Variants in HDAC4 observed in about 807,000 individuals in gnomAD.
HDAC4 encodes the protein histone deacetylase 4, also known as histone deacetylase A.
In HDAC4, 16 loss-of-function variants were observed where a neutral mutation model predicts 135.1. The ratio of observed to expected loss-of-function variants is 0.12; its 90% CI spans 0.08 to 0.18. The LOEUF (loss-of-function observed/expected upper bound fraction) is 0.18. HDAC4 is among the 10% of genes least tolerant of loss of function. The pLI is 1.00. For missense variants in HDAC4, 1,143 were observed against 1,511.8 expected, an observed-to-expected ratio of 0.76 and a Z score of 4.05; for synonymous variants, 685 against 653.4, an observed-to-expected ratio of 1.05 and a Z score of -0.74.
At chr2:239,267,896 CCAAA>C (rs2049838120) in intron 2 of HDAC4, among the ~76,000 whole-genome samples, 2 of 152,362 alleles carry the variant, frequency 1.3e-5, no homozygotes, top group African/African-American at 2.4e-5. Context: ...TCTGCACATT[CCAAA>C]CAGTCTTTCA....
intron 2 of HDAC4, among the ~76,000 whole-genome samples, chr2:239,342,601 C>T (rs995431277): frequency 1.3e-5 from 2 of 152,190 alleles, no homozygotes; most frequent in African/African-American, 4.8e-5. Flanking sequence ...TCATCCTGAA[C>T]ACTGTGTTTC....
At chr2:239,204,286 A>G (rs1248614018) in intron 3 of HDAC4, among the ~76,000 whole-genome samples, 5 of 152,354 alleles carry the variant, frequency 3.3e-5, no homozygotes, top group African/African-American at 4.8e-5. Flanking sequence ...ACCACGATGC[A>G]GCGGCCCCTG....
intron 2 of HDAC4, among the ~76,000 whole-genome samples, chr2:239,343,922 C>T (rs6706275): frequency 0.24 from 36,193 of 152,204 alleles, 5,058 homozygotes; most frequent in Non-Finnish European, 0.33. Flanking sequence ...GTCCAGCTCA[C>T]GTCACAGGCT....
chr2:239,057,254 T>C (rs2031996648), intron 24 of HDAC4, among the ~76,000 whole-genome samples: 1 of 152,252 alleles, frequency 6.6e-6, no homozygotes, highest in Admixed American at 6.5e-5. Context: ...TTATTAACTT[T>C]TAATAAGTTT....
chr2:239,080,859 C>T lies in HDAC4; in HGVS notation c.2750+236G>A, dbSNP rs568557414. 3.0e-4 allele frequency: 169 copies of T among 570,526 alleles called. 1 individual carries two copies. The highest frequency in any genetic ancestry group is 6.5e-4 in the South Asian group (29 of 44,856). The allele number at this position is 570,526 out of a possible 1,614,324, so 35.3% of individuals were successfully genotyped here. ...TCTCTCACCATCGACCCAAAGTGAG[C>T]TCCTGGTTTTATTTCATGCACAAAA... On this transcript the variant is annotated intron_variant, in intron 22 of 26. Coordinates refer to ENST00000543185, the MANE Select transcript of HDAC4 (RefSeq NM_001378414.1).
intron 7 of HDAC4, among the ~76,000 whole-genome samples, chr2:239,148,735 C>G (rs2041919761): frequency 6.6e-6 from 1 of 152,196 alleles, no homozygotes; most frequent in Non-Finnish European, 1.5e-5. Context: ...GGCGAGGCCG[C>G]AGAAAGGAGG....
chr2:239,163,744 C>G, intron 6 of HDAC4, 59 bp downstream of exon 6: 2 of 1,578,250 alleles, frequency 1.3e-6, no homozygotes, highest in Non-Finnish European at 1.7e-6. Flanking sequence ...TACCGGCGAT[C>G]AGACAGTCCT....
rs1337248307 is a variant in HDAC4 at position 239,050,332 on chromosome 2, C to T, written c.*2765G>A. The T allele has an allele frequency of 1.3e-5, 2 of 152,272 alleles. No homozygotes were observed. The highest frequency in any genetic ancestry group is 2.1e-4 in the South Asian group (1 of 4,834). The allele number at this position is 152,272 out of a possible 1,614,324, so 9.4% of individuals were successfully genotyped here. A position where few individuals can be genotyped will look rare whatever the true frequency, so the allele number is the denominator to read the frequency against. Reference sequence around the variant, plus strand: ...AAAAAGTGAGATGATGCATTCCTCCCCATAAGCCACGGCGGGGTAAGAGGG... The same window carrying T: ...AAAAAGTGAGATGATGCATTCCTCCTCATAAGCCACGGCGGGGTAAGAGGG... On this transcript the variant is annotated 3_prime_UTR_variant, in exon 27 of 27. Coordinates refer to ENST00000543185, the MANE Select transcript of HDAC4 (RefSeq NM_001378414.1).
chr2:239,176,508 C>T lies in HDAC4; in HGVS notation c.395G>A (p.Arg132Gln), dbSNP rs369938777. 1.8e-4 allele frequency: 291 copies of T among 1,613,340 alleles called. No individual in the cohort carries two copies. The highest frequency in any genetic ancestry group is 2.1e-4 in the Non-Finnish European group (252 of 1,179,838). Residue 132 changes from arginine (R) to glutamine (Q), a missense_variant, in exon 5 of 27, where the codon CGG (arginine) becomes CAG (glutamine). By Grantham distance (43) the Arg-to-Gln change is conservative (BLOSUM62 1). This residue lies in a region of HDAC4 where 247 missense variants were observed against 310.0 expected (regional missense o/e 0.80). Transcript: ENST00000543185. The part of the protein sequence containing the change: ...KHQQELLEHQ[R>Q]KLERHRQEQE... ...CTCCTGGCGGTGCCTCTCCAGCTTC[C>T]GCTGGTGTTCCAGCAGCTCCTGCTG...
At chr2:239,198,791 A>G (rs576545077) in intron 3 of HDAC4, among the ~76,000 whole-genome samples, 5 of 152,164 alleles carry the variant, frequency 3.3e-5, no homozygotes, top group African/African-American at 1.2e-4. Flanking sequence ...TTTATCTTTC[A>G]TGAGAAATTC....
chr2:239,262,363 G>GT lies in HDAC4; in HGVS notation c.23-25700dup, dbSNP rs897732842. ...TAGCAATTTGGTTCTCTGCGGAATC[G>GT]TAAGTGGAAGGGATGTATTTTCCTT... On this transcript the variant is annotated intron_variant, in intron 2 of 26. Transcript: ENST00000543185. The surrounding 1 kb of genome is among the most constrained non-coding windows in gnomAD (Gnocchi z 4.1). 4.6e-5 allele frequency among the ~76,000 whole-genome samples: 7 copies of GT among 152,198 alleles called. No homozygotes were observed. The highest frequency in any genetic ancestry group is 1.7e-4 in the African/African-American group (7 of 41,456).
At chr2:239,369,289 C>A (rs1005057702) in intron 1 of HDAC4, among the ~76,000 whole-genome samples, 15 of 152,150 alleles carry the variant, frequency 9.9e-5, no homozygotes, top group African/African-American at 3.4e-4. Flanking sequence ...AATAAATGGA[C>A]GTCTGGACCA....
In HDAC4 at chr2:239,167,262, G is replaced by A. The variant is rs970003501; in HGVS notation, c.491-3339C>T. Among the ~76,000 whole-genome samples the A allele has an allele frequency of 3.3e-5, 5 of 152,148 alleles. No homozygotes were observed. Among genetic ancestry groups the A allele is most frequent in the Admixed American group, 2.6e-4 (4 of 15,274 alleles). On this transcript the variant is annotated intron_variant, in intron 5 of 26. Transcript: ENST00000543185. This position sits in a 1 kb window ranked among gnomAD's most constrained non-coding sequence, Gnocchi z 4.1. Reference sequence around the variant, plus strand: ...ACTGGCCCTCCACGGGGGAGGGTGCGCACTCCAGGAACAGGACCCACTTTA... The same window carrying A: ...ACTGGCCCTCCACGGGGGAGGGTGCACACTCCAGGAACAGGACCCACTTTA...
chr2:239,179,808 C>T (rs772318648), intron 4 of HDAC4, among the ~76,000 whole-genome samples: 4 of 152,244 alleles, frequency 2.6e-5, no homozygotes, highest in Admixed American at 6.5e-5. Flanking sequence ...TGAGAGCCCA[C>T]GCGGCGTGCT....
intron 1 of HDAC4, among the ~76,000 whole-genome samples, chr2:239,389,418 T>C (rs1696048055): frequency 6.6e-6 from 1 of 152,196 alleles, no homozygotes; most frequent in African/African-American, 2.4e-5. Context: ...ACGAACCTGC[T>C]GGACAGAAGA....
At chr2:239,060,373 CTCTGTCCA>C (rs2032503370) in intron 24 of HDAC4, among the ~76,000 whole-genome samples, 1 of 152,238 alleles carries the variant, frequency 6.6e-6, no homozygotes. Flanking sequence ...CCTTCTCTCC[CTCTGTCCA>C]TCTGTCTAAT....
At chr2:239,296,499 G>A (rs922468085) in intron 2 of HDAC4, among the ~76,000 whole-genome samples, 8 of 152,198 alleles carry the variant, frequency 5.3e-5, no homozygotes, top group Admixed American at 6.5e-5. Flanking sequence ...AGGTCACCCC[G>A]TGACATTTCC....
chr2:239,208,684 C>T (rs1410612848), intron 3 of HDAC4, among the ~76,000 whole-genome samples: 1 of 150,052 alleles, frequency 6.7e-6, no homozygotes, highest in Admixed American at 6.7e-5. Flanking sequence ...AGAAGAATGA[C>T]AGGGAAGTCA....
intron 1 of HDAC4, among the ~76,000 whole-genome samples, chr2:239,362,935 A>G (rs1305376624): frequency 2.0e-5 from 3 of 152,248 alleles, no homozygotes; most frequent in African/African-American, 4.8e-5. Flanking sequence ...AAAATAACTA[A>G]GTGAATTTTA....
Sources: allele counts gnomAD v4.1 joint callset (sites outside exome capture counted in the v4.1 genomes callset), GRCh38; gene constraint gnomAD v4.1.1; regional missense constraint gnomAD v4.1.1; non-coding constraint Gnocchi (gnomAD v3.1); transcripts MANE v1.5; gene names NCBI Gene and HGNC (gene_info 2026-07-23, HGNC 2026-07-21).